The following EXTL3 variants were observed in gnomAD, a reference collection of about 807,000 sequenced individuals.
The protein encoded by EXTL3 is exostosin like glycosyltransferase 3.
EXTL3 carries 27 observed loss-of-function variants against 69.3 expected under a neutral mutation model. That is an observed-to-expected ratio of 0.39 (90% confidence interval 0.29 to 0.54). The LOEUF (loss-of-function observed/expected upper bound fraction) is 0.54, where lower values mean the gene tolerates loss of function less well. EXTL3 is among the 20% of genes least tolerant of loss of function. The pLI, the probability that EXTL3 is intolerant of heterozygous loss-of-function variation, is 0.69. For missense variants in EXTL3, 1,003 were observed against 1,231.8 expected, an observed-to-expected ratio of 0.81 and a Z score of 2.78; for synonymous variants, 511 against 499.4, an observed-to-expected ratio of 1.02 and a Z score of -0.31.
intron 1 of EXTL3, among the ~76,000 whole-genome samples, chr8:28,637,008 G>T (rs1191419869): frequency 6.6e-6 from 1 of 151,876 alleles, no homozygotes; most frequent in Non-Finnish European, 1.5e-5. Context: ...GCGGGTGGAG[G>T]GGGTGGGGCG....
At position 28,718,442 on chromosome 8, in the gene EXTL3, A is replaced by T. The variant is rs115346861; in HGVS notation, c.2148+235A>T. Among the ~76,000 whole-genome samples, 214 of 152,304 alleles carry T rather than the reference A, an allele frequency of 1.4e-3. 2 individuals are homozygous for T. The highest frequency in any genetic ancestry group is 5.0e-3 in the African/African-American group (209 of 41,562). ...CCTAAATCGAGGATCCCCAAAACTG[A>T]AACTGATTTTATATTCAATATACAA... On this transcript the variant is annotated intron_variant, in intron 3 of 6. Coordinates refer to ENST00000220562, the MANE Select transcript of EXTL3 (RefSeq NM_001440.4).
chr8:28,664,691 A>G (rs1807167091), intron 1 of EXTL3, among the ~76,000 whole-genome samples: 1 of 152,188 alleles, frequency 6.6e-6, no homozygotes, highest in Non-Finnish European at 1.5e-5. Flanking sequence ...ATTGTCTTCC[A>G]GCAACCAGTA....
chr8:28,736,133 A>G (rs1179385986), intron 4 of EXTL3, among the ~76,000 whole-genome samples: 1 of 152,234 alleles, frequency 6.6e-6, no homozygotes, highest in African/African-American at 2.4e-5. Context: ...ACATTTAAAA[A>G]TGATTAAGAT....
chr8:28,652,141 C>T (rs1806933766), intron 1 of EXTL3, among the ~76,000 whole-genome samples: 1 of 152,018 alleles, frequency 6.6e-6, no homozygotes. Context: ...TGAATAATAC[C>T]TCAATGAACA....
chr8:28,713,586 TACGCC>T, intron 2 of EXTL3, 36 bp downstream of exon 2: 2 of 695,152 alleles, frequency 2.9e-6, no homozygotes, highest in South Asian at 1.5e-5. Flanking sequence ...TTGCTGTGAT[TACGCC>T]TTCTTTTCTT....
At chr8:28,703,552 G>A (rs1800856638) in intron 1 of EXTL3, among the ~76,000 whole-genome samples, 1 of 152,122 alleles carries the variant, frequency 6.6e-6, no homozygotes, top group Admixed American at 6.5e-5. Flanking sequence ...TGGATTGGAG[G>A]GTTATGGGTG....
chr8:28,755,754 T>TA (rs917759515), downstream of EXTL3, among the ~76,000 whole-genome samples: 10 of 150,760 alleles, frequency 6.6e-5, no homozygotes, highest in South Asian at 6.3e-4. Context: ...CTCATAAAAA[T>TA]AAAAAAAAAG....
chr8:28,713,106 C>G (rs749447162), intron 1 of EXTL3, among the ~76,000 whole-genome samples: 1 of 152,198 alleles, frequency 6.6e-6, no homozygotes, highest in Non-Finnish European at 1.5e-5. Context: ...TATATCATTT[C>G]ATCTGTAAAT....
At chr8:28,651,843 C>T (rs1052412249) in intron 1 of EXTL3, among the ~76,000 whole-genome samples, 1 of 152,228 alleles carries the variant, frequency 6.6e-6, no homozygotes, top group African/African-American at 2.4e-5. Flanking sequence ...ATTCCTTTCT[C>T]CTCCCAGCTT....
chr8:28,745,627 A>G (rs888625300), intron 6 of EXTL3, among the ~76,000 whole-genome samples: 2 of 152,174 alleles, frequency 1.3e-5, no homozygotes, highest in African/African-American at 4.8e-5. Flanking sequence ...GTATGCATCA[A>G]TTTATGCCTC....
At chr8:28,691,118 A>G (rs763979888) in intron 1 of EXTL3, among the ~76,000 whole-genome samples, 1 of 152,252 alleles carries the variant, frequency 6.6e-6, no homozygotes, top group Non-Finnish European at 1.5e-5. Context: ...GGATACCAAA[A>G]TTAGTATATT....
chr8:28,618,709 G>A (rs946930642), upstream of EXTL3, among the ~76,000 whole-genome samples: 2 of 152,110 alleles, frequency 1.3e-5, no homozygotes, highest in Non-Finnish European at 2.9e-5. Flanking sequence ...ACCCCGCAGG[G>A]TCAGGCCAGG....
At chr8:28,655,700 C>T (rs1256564376) in intron 1 of EXTL3, among the ~76,000 whole-genome samples, 25 of 151,998 alleles carry the variant, frequency 1.6e-4, no homozygotes, top group African/African-American at 6.0e-4. Flanking sequence ...TGCTATGTTT[C>T]CTAGGCTTGT....
chr8:28,637,300 A>G (rs1020159031), intron 1 of EXTL3: 1 of 152,286 alleles, frequency 6.6e-6, no homozygotes, highest in Admixed American at 6.6e-5. Flanking sequence ...TCTCCGCAGC[A>G]GATTTTCAAA....
At chr8:28,628,181 G>A (rs1054144570) in intron 1 of EXTL3, among the ~76,000 whole-genome samples, 6 of 152,180 alleles carry the variant, frequency 3.9e-5, no homozygotes, top group African/African-American at 1.4e-4. Flanking sequence ...AGCCAACATG[G>A]TGAAACCCCG....
intron 1 of EXTL3, among the ~76,000 whole-genome samples, chr8:28,628,332 A>C (rs1029621013): frequency 1.3e-5 from 2 of 152,122 alleles, no homozygotes; most frequent in Non-Finnish European, 2.9e-5. Flanking sequence ...ACTGCACTCC[A>C]GCCTGGGCAA....
At chr8:28,710,056 A>G (rs1233078246) in intron 1 of EXTL3, among the ~76,000 whole-genome samples, 1 of 152,234 alleles carries the variant, frequency 6.6e-6, no homozygotes, top group African/African-American at 2.4e-5. Context: ...AAAGAGTAAA[A>G]GGTAGAATGC....
Position 28,717,614 on chromosome 8 carries a change from T to G in EXTL3, c.1555T>G (p.Tyr519Asp), listed in dbSNP as rs780170557. 1.9e-6 allele frequency: 3 copies of G among 1,614,236 alleles called. No homozygotes were observed. Among genetic ancestry groups the G allele is most frequent in the East Asian group, 2.2e-5 (1 of 44,878 alleles). ...GCAAGGCCGCTTTCTCTGGGAGACT[T>G]ACTTCTCCACTGCTGACAGTATTTT... ...RRQGRFLWET[Y>D]FSTADSIFNT... The change falls in exon 3 of 7, where the codon TAC (tyrosine) becomes GAC (aspartate). Residue 519 changes from tyrosine to aspartate, a missense_variant. Coordinates refer to ENST00000220562, the MANE Select transcript of EXTL3 (RefSeq NM_001440.4). This position sits in a 1 kb window ranked among gnomAD's most constrained non-coding sequence, Gnocchi z 8.3.
At chr8:28,666,578 T>G (rs1021101708) in intron 1 of EXTL3, among the ~76,000 whole-genome samples, 1 of 152,030 alleles carries the variant, frequency 6.6e-6, no homozygotes, top group African/African-American at 2.4e-5. Context: ...TTTCTTTTCT[T>G]TCTTTTTTTT....
Sources: allele counts gnomAD v4.1 joint callset (sites outside exome capture counted in the v4.1 genomes callset), GRCh38; gene constraint gnomAD v4.1.1; non-coding constraint Gnocchi (gnomAD v3.1); transcripts MANE v1.5; gene names NCBI Gene and HGNC (gene_info 2026-07-23, HGNC 2026-07-21).